ARAP2: variants seen among roughly 807,000 people sequenced by gnomAD.
ARAP2 encodes ArfGAP with RhoGAP domain, ankyrin repeat and PH domain 2, also known as arf-GAP with Rho-GAP domain, ANK repeat and PH domain-containing protein 2.
Under a neutral mutation model 194.5 loss-of-function variants are expected in ARAP2, and 148 were observed. The observed-to-expected ratio is 0.76, with a 90% CI of 0.67 to 0.87. The LOEUF is 0.87. Ranked by LOEUF, ARAP2 falls within the 40% of genes least tolerant of loss-of-function variation. The probability of loss-of-function intolerance (pLI) is 0.00; values close to 1 mark genes in which losing one functional copy is unlikely to be tolerated. For synonymous variants in ARAP2, 695 were observed against 683.5 expected (o/e 1.02, Z -0.26); for missense variants, 2,128 against 1,989.7 (o/e 1.07, Z -1.32).
chr4:36,227,037 G>T, intron 2 of ARAP2, among the ~76,000 whole-genome samples: 1 of 152,152 alleles, frequency 6.6e-6, no homozygotes, highest in Non-Finnish European at 1.5e-5. Context: ...GTCCTTTACA[G>T]TCCCAACAAA....
chr4:36,097,067 A>T (rs1715516731), intron 27 of ARAP2, among the ~76,000 whole-genome samples: 1 of 152,144 alleles, frequency 6.6e-6, no homozygotes, highest in Non-Finnish European at 1.5e-5. Flanking sequence ...ATTTTTACCA[A>T]GAAATAATCC....
At chr4:36,233,738 A>C (rs1278106286) in intron 1 of ARAP2, among the ~76,000 whole-genome samples, 1 of 152,258 alleles carries the variant, frequency 6.6e-6, no homozygotes. Context: ...ACTCGCACAT[A>C]GTGCCTAGCA....
chr4:36,240,726 A>C (rs1175721043), intron 1 of ARAP2, among the ~76,000 whole-genome samples: 1 of 152,186 alleles, frequency 6.6e-6, no homozygotes, highest in Non-Finnish European at 1.5e-5. Flanking sequence ...GAAAATAGGT[A>C]GGCTCTGGGC....
intron 32 of ARAP2, among the ~76,000 whole-genome samples, chr4:36,070,341 T>C (rs565496258): frequency 5.9e-5 from 9 of 152,218 alleles, no homozygotes; most frequent in Non-Finnish European, 1.2e-4. Flanking sequence ...TCATAGTTTA[T>C]ACACTGTACT....
intron 2 of ARAP2, among the ~76,000 whole-genome samples, chr4:36,227,373 C>G (rs1750561492): frequency 6.6e-6 from 1 of 152,056 alleles, no homozygotes; most frequent in Non-Finnish European, 1.5e-5. Context: ...CTAGTAAATA[C>G]CAGACTTTGC....
At chr4:36,233,163 A>AACAC (rs1751829657) in intron 1 of ARAP2, among the ~76,000 whole-genome samples, 1 of 152,184 alleles carries the variant, frequency 6.6e-6, no homozygotes, top group African/African-American at 2.4e-5. Flanking sequence ...GTGTTCACAG[A>AACAC]TCCAATTCTT....
intron 26 of ARAP2, among the ~76,000 whole-genome samples, chr4:36,109,821 T>C (rs190150757): frequency 2.6e-5 from 4 of 151,292 alleles, no homozygotes; most frequent in Admixed American, 2.6e-4. Context: ...CATTAACTCA[T>C]CATTTACATT....
intron 5 of ARAP2, among the ~76,000 whole-genome samples, chr4:36,021,407 C>T (rs973701799): frequency 2.0e-5 from 3 of 152,268 alleles, no homozygotes; most frequent in East Asian, 3.8e-4. Flanking sequence ...GATTGAATCA[C>T]GGGAGCAGAT....
intron 1 of ARAP2, among the ~76,000 whole-genome samples, chr4:36,237,037 A>T (rs1206273752): frequency 2.0e-5 from 3 of 152,336 alleles, no homozygotes; most frequent in Middle Eastern, 3.4e-3. Flanking sequence ...ACATACCTTT[A>T]CATTTAACTG....
At chr4:36,156,431 GAAAGAAAGAAAGAGAAAGAA>G (rs1171897615) in intron 15 of ARAP2, among the ~76,000 whole-genome samples, 1 of 21,920 alleles carries the variant, frequency 4.6e-5, no homozygotes, top group Non-Finnish European at 7.8e-5. Flanking sequence ...AAGAAAGAAA[GAAAGAAAGAAAGAGAAAGAA>G]AGAAAGAAAG....
chr4:36,223,341 C>A (rs752549075), intron 2 of ARAP2, among the ~76,000 whole-genome samples: 1 of 152,056 alleles, frequency 6.6e-6, no homozygotes, highest in African/African-American at 2.4e-5. Flanking sequence ...CTTGTTACTA[C>A]TTTCCCTATG....
chr4:36,154,090 C>A (rs1486988418), intron 15 of ARAP2, among the ~76,000 whole-genome samples: 3 of 152,116 alleles, frequency 2.0e-5, no homozygotes, highest in Admixed American at 1.3e-4. Flanking sequence ...CAAACAGTTA[C>A]TCACTGTATC....
At chr4:36,203,606 CA>C (rs1338063283) in intron 6 of ARAP2, among the ~76,000 whole-genome samples, 1 of 150,154 alleles carries the variant, frequency 6.7e-6, no homozygotes, top group African/African-American at 2.4e-5. Flanking sequence ...CAAAACAAAA[CA>C]AAAAAAACTG....
chr4:36,107,358 A>G (rs1718675071), intron 27 of ARAP2, among the ~76,000 whole-genome samples: 1 of 152,058 alleles, frequency 6.6e-6, no homozygotes, highest in Non-Finnish European at 1.5e-5. Flanking sequence ...GGTACAATCA[A>G]ATTAGCCAAC....
At chr4:36,098,690 T>G (rs1716004414) in intron 27 of ARAP2, among the ~76,000 whole-genome samples, 1 of 152,082 alleles carries the variant, frequency 6.6e-6, no homozygotes, top group South Asian at 2.1e-4. Flanking sequence ...GTTAATCACT[T>G]GATTGATCTT....
chr4:36,115,857 A>G (rs1721191758), intron 25 of ARAP2, among the ~76,000 whole-genome samples: 1 of 152,028 alleles, frequency 6.6e-6, no homozygotes, highest in Non-Finnish European at 1.5e-5. Flanking sequence ...GAGTTACTAT[A>G]GGTGAAACTG....
chr4:36,090,588 G>C (rs1326829033), intron 28 of ARAP2, among the ~76,000 whole-genome samples: 1 of 152,084 alleles, frequency 6.6e-6, no homozygotes, highest in Non-Finnish European at 1.5e-5. Context: ...CCATAAAAAA[G>C]AATGAGATCA....
intron 31 of ARAP2, among the ~76,000 whole-genome samples, chr4:36,074,598 A>C (rs1727809546): frequency 6.6e-6 from 1 of 152,076 alleles, no homozygotes; most frequent in African/African-American, 2.4e-5. Flanking sequence ...ATTTGGAAAA[A>C]GTATATTGAT....
intron 2 of ARAP2, among the ~76,000 whole-genome samples, chr4:36,215,790 C>T (rs546148539): frequency 5.3e-5 from 8 of 151,820 alleles, no homozygotes; most frequent in African/African-American, 1.9e-4. Context: ...CGGAGCCCTG[C>T]AGTGACCCAT....
Sources: allele counts gnomAD v4.1 joint callset (sites outside exome capture counted in the v4.1 genomes callset), GRCh38; gene constraint gnomAD v4.1.1; transcripts MANE v1.5; gene names NCBI Gene and HGNC (gene_info 2026-07-23, HGNC 2026-07-21).